The following RBFOX1 variants were observed in gnomAD, a reference collection of about 807,000 sequenced individuals.
RBFOX1 encodes RNA binding fox-1 homolog 1, also known as RNA binding protein fox-1 homolog 1.
In RBFOX1, 8 loss-of-function variants were observed where a neutral mutation model predicts 57.7. The ratio of observed to expected loss-of-function variants is 0.14; its 90% CI spans 0.08 to 0.25. The LOEUF is 0.25. Among genes scored for constraint, RBFOX1 ranks in the 10% least tolerant of loss-of-function variants. The pLI is 1.00. For synonymous variants in RBFOX1, 326 were observed against 222.4 expected (o/e 1.47, Z -4.15); for missense variants, 611 against 548.5 (o/e 1.11, Z -1.14).
chr16:7,218,425 G>A (rs374516632), intron 4 of RBFOX1, among the ~76,000 whole-genome samples: 1 of 152,118 alleles, frequency 6.6e-6, no homozygotes, highest in East Asian at 1.9e-4. Context: ...GAAAGAGGGT[G>A]AGAGATTTAA....
intron 3 of RBFOX1, among the ~76,000 whole-genome samples, chr16:6,926,891 C>G (rs558683177): frequency 5.3e-5 from 8 of 152,178 alleles, no homozygotes; most frequent in Non-Finnish European, 8.8e-5. Flanking sequence ...TGCGCATTGT[C>G]CTAGCAGGTA....
chr16:6,432,246 C>T (rs926782850), intron 2 of RBFOX1, among the ~76,000 whole-genome samples: 1 of 151,978 alleles, frequency 6.6e-6, no homozygotes, highest in East Asian at 1.9e-4. Flanking sequence ...TAGGATTATA[C>T]GTATGAGCCA....
chr16:6,283,258 T>C (rs1236427476), intron 1 of RBFOX1, among the ~76,000 whole-genome samples: 2 of 151,970 alleles, frequency 1.3e-5, no homozygotes, highest in African/African-American at 2.4e-5. Context: ...ACCCCGGAGG[T>C]TGAGCCTACA....
At chr16:6,761,990 G>A (rs1009324458) in intron 3 of RBFOX1, among the ~76,000 whole-genome samples, 1 of 152,030 alleles carries the variant, frequency 6.6e-6, no homozygotes, top group Non-Finnish European at 1.5e-5. Flanking sequence ...CTTCTCACGT[G>A]CCGCTCAAGC....
intron 1 of RBFOX1, among the ~76,000 whole-genome samples, chr16:5,348,662 A>G (rs1192444572): frequency 6.6e-6 from 1 of 152,234 alleles, no homozygotes; most frequent in African/African-American, 2.4e-5. Flanking sequence ...TTATATAAAT[A>G]GTAGGCTCTC....
At chr16:5,326,440 A>C (rs2064574500) in intron 1 of RBFOX1, among the ~76,000 whole-genome samples, 1 of 152,238 alleles carries the variant, frequency 6.6e-6, no homozygotes, top group Non-Finnish European at 1.5e-5. Flanking sequence ...GGGAGAGTTC[A>C]GGAGAACAGT....
At chr16:5,994,874 T>G (rs1381002580) in intron 4 of RBFOX1, among the ~76,000 whole-genome samples, 3 of 152,172 alleles carry the variant, frequency 2.0e-5, no homozygotes, top group Non-Finnish European at 2.9e-5. Context: ...ATCTACGAAT[T>G]GAGTGATGAG....
At chr16:5,518,127 A>C (rs1235318668) in intron 2 of RBFOX1, among the ~76,000 whole-genome samples, 1 of 152,234 alleles carries the variant, frequency 6.6e-6, no homozygotes, top group Non-Finnish European at 1.5e-5. Context: ...AGCTAAAACA[A>C]ATTTATAAAT....
intron 1 of RBFOX1, among the ~76,000 whole-genome samples, chr16:5,311,800 G>A (rs2064097296): frequency 6.6e-6 from 1 of 152,174 alleles, no homozygotes; most frequent in South Asian, 2.1e-4. Flanking sequence ...AATTACAGAT[G>A]CGTTGGCCTC....
chr16:5,748,833 G>A (rs543332329), intron 3 of RBFOX1, among the ~76,000 whole-genome samples: 1 of 152,282 alleles, frequency 6.6e-6, no homozygotes, highest in African/African-American at 2.4e-5. Context: ...CAATTTGCCA[G>A]TCTGTGTCTT....
intron 1 of RBFOX1, among the ~76,000 whole-genome samples, chr16:6,246,085 A>G (rs1429115076): frequency 6.6e-6 from 1 of 152,222 alleles, no homozygotes; most frequent in Non-Finnish European, 1.5e-5. Context: ...CCCAGTTTAC[A>G]GTAGTTTTAA....
intron 1 of RBFOX1, among the ~76,000 whole-genome samples, chr16:6,226,864 G>A (rs2097422007): frequency 6.6e-6 from 1 of 151,020 alleles, no homozygotes; most frequent in Non-Finnish European, 1.5e-5. Context: ...AATCTCAGCA[G>A]TTTGGGCGGT....
intron 2 of RBFOX1, among the ~76,000 whole-genome samples, chr16:6,488,802 C>G (rs1160507899): frequency 6.6e-6 from 1 of 152,142 alleles, no homozygotes; most frequent in Non-Finnish European, 1.5e-5. Flanking sequence ...ATGACTCCCT[C>G]CTGCAAAACA....
rs7185120 is a variant in RBFOX1 at position 5,379,109 on chromosome 16, C to T, written c.220-88107C>T. On this transcript the variant is annotated intron_variant, in intron 1 of 2. Transcript: ENST00000585867. ...CAATAACTTTTGCATCAACCTAATGCATCAACAGCGTAAGAGACGGACCTC... is the reference window on the plus strand; with the variant it reads ...CAATAACTTTTGCATCAACCTAATGTATCAACAGCGTAAGAGACGGACCTC... Among the ~76,000 whole-genome samples, 5 of 151,514 alleles carry T rather than the reference C, an allele frequency of 3.3e-5. 1 individual carries two copies. Among genetic ancestry groups the T allele is most frequent in the African/African-American group, 1.2e-4 (5 of 40,816 alleles).
At chr16:7,470,599 G>T (rs961616661) in intron 4 of RBFOX1, among the ~76,000 whole-genome samples, 1 of 152,098 alleles carries the variant, frequency 6.6e-6, no homozygotes, top group Non-Finnish European at 1.5e-5. Context: ...TGGGCGGATG[G>T]ATGGATGGAT....
intron 4 of RBFOX1, among the ~76,000 whole-genome samples, chr16:7,258,866 C>T (rs2094804459): frequency 6.6e-6 from 1 of 152,118 alleles, no homozygotes. Flanking sequence ...ATTATTAGGG[C>T]TCCTGGGAAA....
chr16:6,079,251 A>G (rs931570015), intron 1 of RBFOX1, among the ~76,000 whole-genome samples: 5 of 152,224 alleles, frequency 3.3e-5, no homozygotes, highest in Non-Finnish European at 7.3e-5. Context: ...GGTTGTAGTG[A>G]GCCAAGATTG....
chr16:5,867,544 A>G (rs975294395), intron 4 of RBFOX1, among the ~76,000 whole-genome samples: 1 of 152,022 alleles, frequency 6.6e-6, no homozygotes, highest in African/African-American at 2.4e-5. Flanking sequence ...GTGCGTGGTA[A>G]AGATGGTGCA....
At chr16:5,326,564 A>G (rs879405589) in intron 1 of RBFOX1, among the ~76,000 whole-genome samples, 22 of 152,150 alleles carry the variant, frequency 1.4e-4, no homozygotes, top group Non-Finnish European at 3.2e-4. Flanking sequence ...CCCATTCTAG[A>G]CTTCATTATC....
Sources: gnomAD v4.1 joint callset for allele counts (sites outside exome capture counted in the v4.1 genomes callset) on GRCh38, gnomAD v4.1.1 for gene constraint, MANE v1.5 for transcripts, NCBI Gene and HGNC (gene_info 2026-07-23, HGNC 2026-07-21) for gene names.